The following SHROOM4 variants were observed in gnomAD, a reference collection of about 807,000 sequenced individuals.
SHROOM4 encodes protein Shroom4.
SHROOM4 carries 17 observed loss-of-function variants against 80.3 expected under a neutral mutation model. The ratio of observed to expected loss-of-function variants is 0.21; its 90% CI spans 0.14 to 0.32. The LOEUF (loss-of-function observed/expected upper bound fraction) is 0.32. Ranked by LOEUF, SHROOM4 falls within the 10% of genes least tolerant of loss-of-function variation. The probability of loss-of-function intolerance (pLI) is 1.00; values close to 1 mark genes in which losing one functional copy is unlikely to be tolerated. For synonymous variants in SHROOM4, 400 were observed against 437.5 expected (o/e 0.91, Z 1.07); for missense variants, 993 against 1,140.3 (o/e 0.87, Z 1.86).
intron 2 of SHROOM4, among the ~76,000 whole-genome samples, chrX:50,660,468 CTTAAA>C (rs1220781752): frequency 1.0e-4 from 11 of 109,249 alleles, no homozygotes; most frequent in African/African-American, 1.3e-4. Flanking sequence ...CATCTTATTG[CTTAAA>C]TTAATCTATA....
At chrX:50,641,354 T>A (rs782437052) in intron 2 of SHROOM4, among the ~76,000 whole-genome samples, 15 of 112,465 alleles carry the variant, frequency 1.3e-4, no homozygotes, top group African/African-American at 4.8e-4. Context: ...AGTTTTCTTA[T>A]CTGAGAAAGG....
At chrX:50,708,633 G>A (rs1403780104) in intron 1 of SHROOM4, among the ~76,000 whole-genome samples, 2 of 111,987 alleles carry the variant, frequency 1.8e-5, no homozygotes, top group Non-Finnish European at 3.8e-5. Flanking sequence ...CATTTAGCAC[G>A]CCCATTAGCA....
chrX:50,792,223 G>A (rs1460541460), intron 1 of SHROOM4, among the ~76,000 whole-genome samples: 1 of 112,269 alleles, frequency 8.9e-6, no homozygotes, highest in Non-Finnish European at 1.9e-5. Flanking sequence ...GGTAGGCTGG[G>A]CATGGTGGCT....
In SHROOM4 at chrX:50,588,019, GTT is replaced by G. The variant is rs1557245032; in HGVS notation, c.*8674_*8675del. ...AAGATAGGTTTGAGGAGGAGTGGAT[GTT>G]TTCCCCAAACCAGCCTCAAATTGGA... On this transcript the variant is annotated 3_prime_UTR_variant, in exon 9 of 9. Transcript: ENST00000376020. 8.9e-6 allele frequency among the ~76,000 whole-genome samples: 1 copy of G among 111,922 alleles called. No individual in the cohort carries two copies. The highest frequency in any genetic ancestry group is 2.8e-4 in the East Asian group (1 of 3,575).
intron 1 of SHROOM4, among the ~76,000 whole-genome samples, chrX:50,793,155 G>A: frequency 9.1e-6 from 1 of 109,912 alleles, no homozygotes; most frequent in East Asian, 2.9e-4. Flanking sequence ...AAGTCTGGAG[G>A]ACATTATGCT....
At chrX:50,802,177 C>T (rs891593356) in intron 1 of SHROOM4, among the ~76,000 whole-genome samples, 2 of 112,110 alleles carry the variant, frequency 1.8e-5, no homozygotes, top group East Asian at 5.6e-4. Context: ...GCCAGGAAAG[C>T]CCATTAAATA....
chrX:50,635,779 C>CAA (rs1285793452), intron 3 of SHROOM4, 111 bp from the exon 4 acceptor site: 86 of 376,889 alleles, frequency 2.3e-4, no homozygotes, highest in South Asian at 3.6e-4. Flanking sequence ...GGAGGGTAGG[C>CAA]AAAAAAAAAA....
At chrX:50,600,350 A>C (rs1413512367) in intron 7 of SHROOM4, among the ~76,000 whole-genome samples, 2 of 111,466 alleles carry the variant, frequency 1.8e-5, no homozygotes, top group Non-Finnish European at 3.8e-5. Flanking sequence ...TTAAGAGCAC[A>C]GAGACTCCAG....
chrX:50,798,573 G>T (rs1038489255), intron 1 of SHROOM4, among the ~76,000 whole-genome samples: 2 of 111,369 alleles, frequency 1.8e-5, no homozygotes, highest in Non-Finnish European at 3.8e-5. Flanking sequence ...AGGATTTGGG[G>T]TCAGGTAGAG....
intron 5 of SHROOM4, among the ~76,000 whole-genome samples, chrX:50,618,149 C>T (rs782594130): frequency 1.8e-5 from 2 of 111,025 alleles, no homozygotes; most frequent in Admixed American, 9.5e-5. Flanking sequence ...GATCAGGCCT[C>T]CTAAATGTAC....
intron 5 of SHROOM4, among the ~76,000 whole-genome samples, chrX:50,616,975 A>C (rs1465998086): frequency 2.7e-5 from 3 of 111,957 alleles, no homozygotes; most frequent in Admixed American, 9.5e-5. Context: ...CCTCAAAGGC[A>C]ACAATTGGGC....
Position 50,812,761 on chromosome X carries a change from A to AG in SHROOM4, c.117+1140_117+1141insC, listed in dbSNP as rs1413398480. Among the ~76,000 whole-genome samples the AG allele has an allele frequency of 3.6e-5, 4 of 110,099 alleles. No individual in the cohort carries two copies. In the South Asian group the frequency reaches 1.6e-3, roughly 43 times the overall value. ...TGTTGAACCCCACCCCCCCGCAAAA[A>AG]AAAAGTGATATTTGCTCCCTGCTGA... On this transcript the variant is annotated intron_variant, in intron 1 of 8. Coordinates refer to ENST00000376020, the MANE Select transcript of SHROOM4 (RefSeq NM_020717.5).
chrX:50,746,941 CT>C (rs1557267649), intron 1 of SHROOM4, among the ~76,000 whole-genome samples: 1 of 112,243 alleles, frequency 8.9e-6, no homozygotes, highest in African/African-American at 3.2e-5. Context: ...TGATTTATTG[CT>C]TGCCTACCAT....
chrX:50,701,132 C>T (rs1316508512), intron 1 of SHROOM4, among the ~76,000 whole-genome samples: 1 of 111,895 alleles, frequency 8.9e-6, no homozygotes, highest in African/African-American at 3.2e-5. Context: ...GTTTACTAAT[C>T]CTCACAACAA....
At chrX:50,602,914 C>G in intron 6 of SHROOM4, 101 bp from the exon 7 acceptor site, 1 of 832,238 alleles carries the variant, frequency 1.2e-6, no homozygotes, top group Non-Finnish European at 1.7e-6. Flanking sequence ...CCTGCTTCAC[C>G]AAGGAGTTGA....
intron 2 of SHROOM4, among the ~76,000 whole-genome samples, chrX:50,650,045 G>A (rs1557258454): frequency 2.7e-5 from 3 of 112,089 alleles, no homozygotes; most frequent in Non-Finnish European, 1.9e-5. Context: ...AGGAATAATA[G>A]TTTGTCATTA....
intron 5 of SHROOM4, among the ~76,000 whole-genome samples, chrX:50,625,375 G>T (rs927871310): frequency 2.1e-4 from 23 of 111,591 alleles, no homozygotes; most frequent in Middle Eastern, 4.7e-3. Context: ...ATAGCAACAT[G>T]AAAAGTTGTT....
rs201053201 is a variant in SHROOM4, at chrX:50,593,536, C to CA, written c.*3158dup. The CA allele has an allele frequency of 8.8e-3, 971 of 109,809 alleles. 8 individuals carry two copies. The highest frequency in any genetic ancestry group is 0.014 in the Non-Finnish European group (721 of 52,487). The allele number at this position is 109,809 out of a possible 1,213,427, so 9.0% of individuals were successfully genotyped here. A position where few individuals can be genotyped will look rare whatever the true frequency, so the allele number is the denominator to read the frequency against. ...GAAACTGTCCCCTGCCCCACCCCCC[C>CA]AAAAAGATCTACTAATCTTCAAATA... On this transcript the variant is annotated 3_prime_UTR_variant, in exon 9 of 9. Coordinates refer to ENST00000376020, the MANE Select transcript of SHROOM4 (RefSeq NM_020717.5).
At chrX:50,736,991 T>C (rs1283340093) in intron 1 of SHROOM4, among the ~76,000 whole-genome samples, 2 of 112,414 alleles carry the variant, frequency 1.8e-5, no homozygotes, top group African/African-American at 6.5e-5. Context: ...ATGAAATATG[T>C]ACTAAAGTTG....
Sources: gnomAD v4.1 joint callset for allele counts (sites outside exome capture counted in the v4.1 genomes callset) on GRCh38, gnomAD v4.1.1 for gene constraint, MANE v1.5 for transcripts, NCBI Gene and HGNC (gene_info 2026-07-23, HGNC 2026-07-21) for gene names.